SARDH: variants seen among roughly 807,000 people sequenced by gnomAD.
SARDH encodes the protein sarcosine dehydrogenase, mitochondrial.
A neutral mutation model predicts 109.1 loss-of-function variants in SARDH; 95 were observed. That is an observed-to-expected ratio of 0.87 (90% CI 0.74 to 1.03). The LOEUF (loss-of-function observed/expected upper bound fraction) is 1.03, where lower values mean the gene tolerates loss of function less well. Ranked by LOEUF, SARDH falls within the 50% of genes least tolerant of loss-of-function variation. The probability of loss-of-function intolerance (pLI) is 0.00; values close to 1 mark genes in which losing one functional copy is unlikely to be tolerated. For missense variants in SARDH, 1,267 were observed against 1,287.8 expected (o/e 0.98, Z 0.25); for synonymous variants, 572 against 534.8 (o/e 1.07, Z -0.96).
chr9:133,713,628 A>G (rs2131452077), intron 8 of SARDH, among the ~76,000 whole-genome samples: 1 of 152,336 alleles, frequency 6.6e-6, no homozygotes, highest in Admixed American at 6.5e-5. Flanking sequence ...AAGGCTCCCA[A>G]CTTCTGCGGG....
chr9:133,680,610 T>G (rs1262822402), intron 17 of SARDH, among the ~76,000 whole-genome samples: 1 of 152,222 alleles, frequency 6.6e-6, no homozygotes, highest in Non-Finnish European at 1.5e-5. Context: ...CAGAGGTCAC[T>G]GAGGACAGGA....
chr9:133,726,089 C>T (rs1832480397), intron 6 of SARDH, among the ~76,000 whole-genome samples: 1 of 151,964 alleles, frequency 6.6e-6, no homozygotes. Context: ...TAAAAATAAT[C>T]ACAGCCGGGC....
In SARDH at chr9:133,708,289, C is replaced by A; in HGVS notation, c.1468G>T (p.Glu490Ter). The A allele has an allele frequency of 6.2e-7, 1 of 1,612,096 alleles. No homozygotes were observed. Among genetic ancestry groups the A allele is most frequent in the South Asian group, 1.1e-5 (1 of 90,880 alleles). The stretch of plus-strand genomic sequence containing the variant: ...AGCAGGAGCTGTAGGGGCGTTACCT[C>A]GTGCAGCGGGTCTCTCCTCATGTTG... Reference protein sequence around the residue: ...GRNMRRDPLHEELLGQGCVFQ... With the variant: ...GRNMRRDPLH The change falls in exon 11 of 21, where the codon GAG (glutamate) becomes TAG (stop). Residue 490 changes from glutamate (E) to a stop codon, truncating the protein, a stop_gained and splice_region_variant. Coordinates refer to ENST00000439388, the MANE Select transcript of SARDH (RefSeq NM_001134707.2). LOFTEE classifies it high-confidence loss of function.
At chr9:133,725,570 G>A (rs1198704254) in intron 6 of SARDH, 2 of 418,324 alleles carry the variant, frequency 4.8e-6, no homozygotes, top group East Asian at 7.8e-5. Flanking sequence ...CAGCTACATG[G>A]GAGGCTGAGG....
chr9:133,735,898 G>A (rs1212911982), intron 1 of SARDH, among the ~76,000 whole-genome samples: 1 of 151,488 alleles, frequency 6.6e-6, no homozygotes, highest in African/African-American at 2.4e-5. Context: ...ACATTAGCCG[G>A]GGGTGGTGGT....
Position 133,717,376 on chromosome 9 carries a change from C to T in SARDH, c.1100G>A (p.Arg367Lys). 6.2e-7 allele frequency: 1 copy of T among 1,614,176 alleles called. No homozygotes were observed. Residue 367 changes from arginine (R) to lysine (K), a missense_variant, in exon 8 of 21, where the codon AGG (arginine) becomes AAG (lysine). By Grantham distance (26) the Arg-to-Lys change is conservative (BLOSUM62 2). Coordinates refer to ENST00000439388, the MANE Select transcript of SARDH (RefSeq NM_001134707.2). ...TCCTGTCTTCTCCAGCACGGGGACC[C>T]TGTTGATGGCGCCTTCAATGTGCTG... Reference protein sequence around the residue: ...FTQHIEGAINRVPVLEKTGIK... With the variant: ...FTQHIEGAINKVPVLEKTGIK...
At chr9:133,661,018 CAT>C (rs1832405223), downstream of SARDH, among the ~76,000 whole-genome samples, 1 of 152,038 alleles carries the variant, frequency 6.6e-6, no homozygotes, top group African/African-American at 2.4e-5. Flanking sequence ...GCCTGGGCAA[CAT>C]AGTGAAATCC....
At chr9:133,699,555 G>A (rs1408017997) in intron 13 of SARDH, among the ~76,000 whole-genome samples, 1 of 152,042 alleles carries the variant, frequency 6.6e-6, no homozygotes, top group Non-Finnish European at 1.5e-5. Context: ...TTTTAAAAGG[G>A]ACAAAGGATC....
At chr9:133,706,241 C>A (rs572581851) in intron 11 of SARDH, among the ~76,000 whole-genome samples, 1 of 138,482 alleles carries the variant, frequency 7.2e-6, no homozygotes, top group Admixed American at 7.7e-5. Flanking sequence ...ATCAACAAAG[C>A]ATGGTCTGCA....
chr9:133,699,033 TA>T (rs1257375128), intron 13 of SARDH, among the ~76,000 whole-genome samples: 1 of 152,124 alleles, frequency 6.6e-6, no homozygotes, highest in Non-Finnish European at 1.5e-5. Flanking sequence ...AACTAAACTA[TA>T]AAAAAATTTG....
intron 13 of SARDH, among the ~76,000 whole-genome samples, chr9:133,702,339 GGGCGACGGGCTGCCAGC>G (rs1252120038): frequency 6.6e-6 from 1 of 152,206 alleles, no homozygotes; most frequent in Non-Finnish European, 1.5e-5. Context: ...CCCCAGGCAG[GGGCGACGGGCTGCCAGC>G]TGCCCCGTGT....
At chr9:133,719,612 G>A (rs530728024) in intron 6 of SARDH, among the ~76,000 whole-genome samples, 2 of 152,220 alleles carry the variant, frequency 1.3e-5, no homozygotes, top group African/African-American at 4.8e-5. Flanking sequence ...CAGAAGTGGG[G>A]AGAGTGGACT....
At position 133,728,938 on chromosome 9, in the gene SARDH, GGATA is replaced by G. The variant is rs1053579145; in HGVS notation, c.915+823_915+826del. 1.3e-5 allele frequency among the ~76,000 whole-genome samples: 2 copies of G among 152,014 alleles called. No individual in the cohort carries two copies. The highest frequency in any genetic ancestry group is 4.8e-5 in the African/African-American group (2 of 41,462). ...AGAAGGGATGGACAGATGAACATGT[GGATA>G]AATAGATGAATAGATAGATGGAGAG... is the stretch of plus-strand genomic sequence containing the variant. On this transcript the variant is annotated intron_variant, in intron 6 of 20. Transcript: ENST00000439388. This position sits in a 1 kb window ranked among gnomAD's most constrained non-coding sequence, Gnocchi z 5.0.
chr9:133,730,235 G>T (rs902442120), intron 4 of SARDH, 48 bp from the exon 5 acceptor site: 1 of 1,604,336 alleles, frequency 6.2e-7, no homozygotes, highest in Non-Finnish European at 8.5e-7. Context: ...ACTCCCCGGG[G>T]GTGCTTCCCA....
At chr9:133,662,738 G>A (rs1829925508), downstream of SARDH, among the ~76,000 whole-genome samples, 1 of 152,198 alleles carries the variant, frequency 6.6e-6, no homozygotes, top group South Asian at 2.1e-4. The surrounding 1 kb of genome is among the most constrained non-coding windows in gnomAD (Gnocchi z 5.1). Context: ...GTGGCTCTGT[G>A]GGGCCCCGGC....
rs58981788 is a variant in SARDH at position 133,724,852 on chromosome 9, T to C, written c.915+4913A>G. ...TGTTAGTGCTCAAAAAGTGTTGGAT[T>C]TTGGAGCATTTTGGATTTTCGGATT... On this transcript the variant is annotated intron_variant, in intron 6 of 20. Transcript: ENST00000439388. Among the ~76,000 whole-genome samples the C allele has an allele frequency of 6.2e-3, 937 of 152,288 alleles. 6 individuals carry two copies. Among genetic ancestry groups the C allele is most frequent in the African/African-American group, 0.021 (887 of 41,546 alleles).
At chr9:133,719,748 C>T (rs1010049402) in intron 6 of SARDH, among the ~76,000 whole-genome samples, 4 of 151,852 alleles carry the variant, frequency 2.6e-5, no homozygotes, top group Non-Finnish European at 5.9e-5. Context: ...TTGCCGCCCA[C>T]CCTTCCTGAG....
intron 20 of SARDH, 90 bp from the exon 21 acceptor site, chr9:133,664,104 C>A: frequency 6.5e-7 from 1 of 1,526,914 alleles, no homozygotes; most frequent in South Asian, 1.3e-5. Context: ...GGGTCTTGGT[C>A]TTGCTACCTG....
chr9:133,721,583 A>C (rs1026717440), intron 6 of SARDH, among the ~76,000 whole-genome samples: 6 of 152,336 alleles, frequency 3.9e-5, no homozygotes, highest in Middle Eastern at 3.4e-3. Context: ...TCAGTCCAAA[A>C]GGGAGCGGAA....
Sources: gnomAD v4.1 joint callset for allele counts (sites outside exome capture counted in the v4.1 genomes callset) on GRCh38, gnomAD v4.1.1 for gene constraint, Gnocchi (gnomAD v3.1) non-coding constraint, MANE v1.5 for transcripts, NCBI Gene and HGNC (gene_info 2026-07-23, HGNC 2026-07-21) for gene names.